Variants in LDLRAD3 observed in about 807,000 individuals in gnomAD.
The protein encoded by LDLRAD3 is low-density lipoprotein receptor class A domain-containing protein 3.
A neutral mutation model predicts 29.4 loss-of-function variants in LDLRAD3; 20 were observed. The observed-to-expected ratio is 0.68, with a 90% CI of 0.48 to 0.99. The LOEUF is 0.99. Ranked by LOEUF, LDLRAD3 falls within the 50% of genes least tolerant of loss-of-function variation. The pLI, the probability that LDLRAD3 is intolerant of heterozygous loss-of-function variation, is 0.00. For missense variants in LDLRAD3, 420 were observed against 454.3 expected (o/e 0.92, Z 0.69); for synonymous variants, 157 against 192.7 (o/e 0.81, Z 1.53).
chr11:36,111,894 GC>G, intron 4 of LDLRAD3, among the ~76,000 whole-genome samples: 1 of 152,328 alleles, frequency 6.6e-6, no homozygotes, highest in South Asian at 2.1e-4. Context: ...ACCACGCCCG[GC>G]CCAGTCTGGT....
intron 2 of LDLRAD3, among the ~76,000 whole-genome samples, chr11:36,039,237 G>T (rs2133212962): frequency 1.3e-5 from 2 of 152,200 alleles, no homozygotes; most frequent in East Asian, 3.9e-4. Context: ...CCAAAGTGCT[G>T]GGATTACAGG....
intron 2 of LDLRAD3, among the ~76,000 whole-genome samples, chr11:36,047,807 C>T (rs1345266246): frequency 6.6e-6 from 1 of 152,118 alleles, no homozygotes; most frequent in East Asian, 1.9e-4. Context: ...TGAGCTGAAA[C>T]CTTGAAACCC....
intron 4 of LDLRAD3, among the ~76,000 whole-genome samples, chr11:36,184,940 C>A (rs1854823429): frequency 1.3e-5 from 2 of 152,308 alleles, no homozygotes; most frequent in East Asian, 1.9e-4. Flanking sequence ...TCTAGCTCAC[C>A]ATTGCCCTTG....
intron 4 of LDLRAD3, among the ~76,000 whole-genome samples, chr11:36,225,360 C>T (rs1427077329): frequency 1.3e-5 from 2 of 152,192 alleles, no homozygotes; most frequent in African/African-American, 4.8e-5. Context: ...AGCTCGGACC[C>T]CTGGTTTCCT....
At chr11:36,132,356 T>C (rs1853939128) in intron 4 of LDLRAD3, among the ~76,000 whole-genome samples, 1 of 152,224 alleles carries the variant, frequency 6.6e-6, no homozygotes, top group Non-Finnish European at 1.5e-5. Context: ...ACTGTGTGTG[T>C]GTGTACACAT....
chr11:36,117,344 G>A (rs1019835972), intron 4 of LDLRAD3, among the ~76,000 whole-genome samples: 1 of 152,006 alleles, frequency 6.6e-6, no homozygotes, highest in African/African-American at 2.4e-5. Context: ...CACTTGCAGG[G>A]TGTTAAAATC....
chr11:36,200,062 G>C (rs1855100244), intron 4 of LDLRAD3, among the ~76,000 whole-genome samples: 6 of 152,154 alleles, frequency 3.9e-5, no homozygotes, highest in Admixed American at 2.0e-4. Context: ...AGCTACTTGG[G>C]AGTCTGAGGC....
intron 2 of LDLRAD3, among the ~76,000 whole-genome samples, chr11:36,077,033 T>C (rs1194377352): frequency 1.3e-5 from 2 of 152,208 alleles, no homozygotes; most frequent in Non-Finnish European, 2.9e-5. Flanking sequence ...TTTAAGTGTT[T>C]ATTTTTGGGG....
At chr11:36,065,466 T>G (rs548602409) in intron 2 of LDLRAD3, among the ~76,000 whole-genome samples, 86 of 152,334 alleles carry the variant, frequency 5.6e-4, no homozygotes, top group African/African-American at 1.9e-3. Flanking sequence ...AGCTCATAGC[T>G]ACCAAGAGAT....
At chr11:36,030,649 T>C (rs1327511417) in intron 1 of LDLRAD3, among the ~76,000 whole-genome samples, 2 of 152,202 alleles carry the variant, frequency 1.3e-5, no homozygotes, top group Admixed American at 1.3e-4. Context: ...TGTCTGTACC[T>C]ATGTATGGGT....
intron 5 of LDLRAD3, 34 bp from the exon 6 acceptor site, chr11:36,229,126 C>T: frequency 7.0e-7 from 1 of 1,432,880 alleles, no homozygotes; most frequent in Non-Finnish European, 9.8e-7. Context: ...TTCCTGTCTC[C>T]ATTGCCCCTG....
At chr11:35,953,428 A>G (rs1851162240) in intron 1 of LDLRAD3, among the ~76,000 whole-genome samples, 1 of 152,194 alleles carries the variant, frequency 6.6e-6, no homozygotes, top group Non-Finnish European at 1.5e-5. Context: ...AAAGAAATGA[A>G]AGCATAAAGG....
At chr11:35,961,159 G>A (rs1387476077) in intron 1 of LDLRAD3, among the ~76,000 whole-genome samples, 3 of 152,118 alleles carry the variant, frequency 2.0e-5, no homozygotes, top group African/African-American at 4.8e-5. Context: ...TGGTGCCCCC[G>A]TGGCTCAGCG....
At chr11:36,027,944 C>T (rs773647429) in intron 1 of LDLRAD3, among the ~76,000 whole-genome samples, 1 of 152,208 alleles carries the variant, frequency 6.6e-6, no homozygotes, top group Non-Finnish European at 1.5e-5. Context: ...GCTGATTGAG[C>T]TGAAAAGACA....
intron 2 of LDLRAD3, among the ~76,000 whole-genome samples, chr11:36,044,986 A>C (rs1852429393): frequency 6.6e-6 from 1 of 152,162 alleles, no homozygotes; most frequent in Non-Finnish European, 1.5e-5. Flanking sequence ...TTCCACCTTC[A>C]CCACACTGGC....
intron 2 of LDLRAD3, among the ~76,000 whole-genome samples, chr11:36,065,489 A>C (rs900915445): frequency 6.6e-5 from 10 of 152,092 alleles, no homozygotes; most frequent in Non-Finnish European, 1.2e-4. Context: ...TAGCCATGGG[A>C]TTTTCTGATT....
At chr11:36,120,633 C>T (rs1485145305) in intron 4 of LDLRAD3, among the ~76,000 whole-genome samples, 4 of 152,184 alleles carry the variant, frequency 2.6e-5, no homozygotes, top group Non-Finnish European at 5.9e-5. Context: ...CCCTGGGTCA[C>T]TCAGCTAGTA....
intron 1 of LDLRAD3, among the ~76,000 whole-genome samples, chr11:36,030,964 G>A (rs1296459270): frequency 6.6e-6 from 1 of 152,190 alleles, no homozygotes; most frequent in East Asian, 1.9e-4. Context: ...CTGAGTTTTT[G>A]TAGTTGCCCC....
intron 4 of LDLRAD3, among the ~76,000 whole-genome samples, chr11:36,209,076 A>G (rs1014158766): frequency 1.3e-5 from 2 of 152,354 alleles, no homozygotes; most frequent in Admixed American, 1.3e-4. Flanking sequence ...CACAATTGTG[A>G]AACTACATCA....
Sources: gnomAD v4.1 joint callset for allele counts (sites outside exome capture counted in the v4.1 genomes callset) on GRCh38, gnomAD v4.1.1 for gene constraint, MANE v1.5 for transcripts, NCBI Gene and HGNC (gene_info 2026-07-23, HGNC 2026-07-21) for gene names.